The following ENO1 variants were observed in gnomAD, a reference collection of about 807,000 sequenced individuals.
ENO1 encodes enolase 1.
A neutral mutation model predicts 46.3 loss-of-function variants in ENO1; 33 were observed. That is an observed-to-expected ratio of 0.71 (90% CI 0.54 to 0.95). ENO1 has a LOEUF of 0.95. Ranked by LOEUF, ENO1 falls within the 40% of genes least tolerant of loss-of-function variation. ENO1 has a pLI of 0.00. For synonymous variants in ENO1, 220 were observed against 216.0 expected, an observed-to-expected ratio of 1.02 and a Z score of -0.16; for missense variants, 488 against 553.3, an observed-to-expected ratio of 0.88 and a Z score of 1.18.
chr1:8,866,000 G>A (rs1375909248), intron 7 of ENO1: 6 of 382,292 alleles, frequency 1.6e-5, no homozygotes, highest in African/African-American at 2.1e-5. Flanking sequence ...GGTATCACTT[G>A]AGCCCAGGAG....
Position 8,864,107 on chromosome 1 carries a change from G to A in ENO1, c.866-15C>T, listed in dbSNP as rs1489028985. On this transcript the variant is annotated splice_polypyrimidine_tract_variant and intron_variant, in intron 8 of 11. Transcript: ENST00000234590. ...GATAGACACCACTAAGGAAAGGAGG[G>A]ACACGCTTCATCAGTGTGATCCTCC... The A allele has an allele frequency of 1.2e-6, 2 of 1,612,822 alleles. No homozygotes were observed. Among genetic ancestry groups the A allele is most frequent in the Non-Finnish European group, 1.7e-6 (2 of 1,179,310 alleles).
At chr1:8,873,028 C>T (rs1466013551) in intron 2 of ENO1, among the ~76,000 whole-genome samples, 2 of 152,102 alleles carry the variant, frequency 1.3e-5, no homozygotes, top group Admixed American at 6.6e-5. Context: ...AGCAAAGGAC[C>T]CAGCAGTGTT....
At chr1:8,868,968 G>A (rs572430340) in intron 4 of ENO1, among the ~76,000 whole-genome samples, 8 of 152,214 alleles carry the variant, frequency 5.3e-5, no homozygotes, top group African/African-American at 7.2e-5. Context: ...AATTACAGGC[G>A]TTAGCCACTG....
chr1:8,875,198 G>T (rs1365652594), intron 1 of ENO1, among the ~76,000 whole-genome samples: 1 of 151,796 alleles, frequency 6.6e-6, no homozygotes, highest in Non-Finnish European at 1.5e-5. Flanking sequence ...ACTTTTATCC[G>T]ACTGCTCAAG....
intron 5 of ENO1, 110 bp from the exon 6 acceptor site, chr1:8,867,360 C>A (rs1642543004): frequency 1.4e-6 from 2 of 1,421,470 alleles, no homozygotes; most frequent in African/African-American, 1.4e-5. Flanking sequence ...CCCCATCACA[C>A]CTCCATTTCA....
Position 8,874,902 on chromosome 1 carries a change from T to C in ENO1, c.7A>G (p.Ile3Val), listed in dbSNP as rs759744149. 2.0e-5 allele frequency: 32 copies of C among 1,613,606 alleles called. No individual in the cohort carries two copies. In the East Asian group the frequency reaches 3.1e-4, roughly 16 times the overall value. ...ATCTCCCTGGCATGGATCTTGAGAA[T>C]AGACATGGTGAACTTCTGTAGAAGA... Reference protein sequence around the residue: MSILKIHAREIFD... With the variant: MSVLKIHAREIFD... Residue 3 changes from isoleucine to valine, a missense_variant, in exon 2 of 12, where the codon ATT becomes GTT. Coordinates refer to ENST00000234590, the MANE Select transcript of ENO1 (RefSeq NM_001428.5).
intron 11 of ENO1, among the ~76,000 whole-genome samples, chr1:8,861,880 T>TTAA (rs1553155545): frequency 8.9e-6 from 1 of 112,588 alleles, no homozygotes; most frequent in Non-Finnish European, 1.7e-5. Context: ...ATCTTGATGT[T>TTAA]AAAAAAAAAA....
chr1:8,870,620 C>G (rs1642611161), intron 3 of ENO1, 110 bp from the exon 4 acceptor site: 2 of 1,550,542 alleles, frequency 1.3e-6, no homozygotes, highest in East Asian at 4.6e-5. Context: ...ACCAAGGGAC[C>G]TTCTGTGGGA....
At chr1:8,871,499 T>C (rs1199668888) in intron 3 of ENO1, 1 of 1,024,660 alleles carries the variant, frequency 9.8e-7, no homozygotes, top group Non-Finnish European at 1.2e-6. Flanking sequence ...CTGGATCCTT[T>C]CTAGCCCGTG....
rs540599286 is a variant in ENO1 at position 8,874,627 on chromosome 1, G to A, written c.85+197C>T. 5.6e-5 allele frequency among the ~76,000 whole-genome samples: 8 copies of A among 142,680 alleles called. No homozygotes were observed. The South Asian group carries it at 9.0e-4, about 16-fold the overall frequency. The allele number at this position is 142,680 out of a possible 152,430, so 93.6% of individuals were successfully genotyped here. ...AAAAAGAAAAAGAAAAAAATAAGCC[G>A]AGAAACAGCAAGACACTGGCTCCAT... is the stretch of plus-strand genomic sequence containing the variant. On this transcript the variant is annotated intron_variant, in intron 2 of 11. Coordinates refer to ENST00000234590, the MANE Select transcript of ENO1 (RefSeq NM_001428.5).
chr1:8,866,412 G>A lies in ENO1; in HGVS notation c.534C>T (p.Phe178=), dbSNP rs747481520. 1 of 1,614,102 alleles carries A rather than the reference G, an allele frequency of 6.2e-7. No homozygotes were observed. Among genetic ancestry groups the A allele is most frequent in the Non-Finnish European group, 8.5e-7 (1 of 1,180,060 alleles). ...CTGCTCCAATGCGCATGGCTTCCCT[G>A]AAGTTTGCTGCACCGACTGGGAGGA... ...FMILPVGAAN[F]REAMRIGAEV... Residue 178 remains phenylalanine, a synonymous_variant, in exon 7 of 12, where the codon TTC becomes TTT. Coordinates refer to ENST00000234590, the MANE Select transcript of ENO1 (RefSeq NM_001428.5).
At chr1:8,866,544 A>C (rs1642521813) in intron 6 of ENO1, 43 bp from the exon 7 acceptor site, 7 of 1,605,046 alleles carry the variant, frequency 4.4e-6, no homozygotes, top group Non-Finnish European at 5.1e-6. Flanking sequence ...GGGTCCAGAG[A>C]GCCCCACAGG....
At chr1:8,868,127 G>T (rs1569907453) in intron 4 of ENO1, 70 bp from the exon 5 acceptor site, 1 of 1,142,376 alleles carries the variant, frequency 8.8e-7, no homozygotes, top group East Asian at 2.4e-5. Flanking sequence ...CCCCTACCAT[G>T]GAATCTGACT....
intron 1 of ENO1, chr1:8,875,787 ACT>A (rs1366177535): frequency 2.0e-5 from 3 of 152,046 alleles, no homozygotes; most frequent in African/African-American, 7.2e-5. Flanking sequence ...TATTTTAGTT[ACT>A]TTTTTAAGAG....
intron 2 of ENO1, among the ~76,000 whole-genome samples, 198 bp downstream of exon 2, chr1:8,874,626 C>T (rs979643426): frequency 6.8e-6 from 1 of 147,278 alleles, no homozygotes; most frequent in African/African-American, 2.6e-5. Flanking sequence ...AAAAATAAGC[C>T]GAGAAACAGC....
intron 4 of ENO1, 116 bp downstream of exon 4, chr1:8,870,336 A>C (rs1255501009): frequency 3.8e-6 from 5 of 1,319,468 alleles, no homozygotes; most frequent in Non-Finnish European, 5.3e-6. Context: ...GTGACAGGGA[A>C]TCCAATAGGC....
At chr1:8,878,293 T>TC (rs937941939) in intron 1 of ENO1, 7 of 273,322 alleles carry the variant, frequency 2.6e-5, no homozygotes, top group South Asian at 6.3e-5. Flanking sequence ...CTCCCGACCT[T>TC]CCCTGACAGT....
At chr1:8,866,076 CAAAAA>C (rs70985533) in intron 7 of ENO1, 198 bp downstream of exon 7, 128 of 365,202 alleles carry the variant, frequency 3.5e-4, no homozygotes, top group South Asian at 5.2e-4. Flanking sequence ...GACTCCATCT[CAAAAA>C]AAAAAAAAAA....
chr1:8,874,731 ATT>A (rs565264603), intron 2 of ENO1, 91 bp downstream of exon 2: 10 of 1,066,528 alleles, frequency 9.4e-6, no homozygotes, highest in East Asian at 2.6e-5. Flanking sequence ...GCTTTAACAG[ATT>A]TTTTTTTTCC....
Sources: gnomAD v4.1 joint callset for allele counts (sites outside exome capture counted in the v4.1 genomes callset) on GRCh38, gnomAD v4.1.1 for gene constraint, MANE v1.5 for transcripts, NCBI Gene and HGNC (gene_info 2026-07-23, HGNC 2026-07-21) for gene names.